The following SLC30A8 variants were observed in gnomAD, a reference collection of about 807,000 sequenced individuals.
SLC30A8 encodes the protein solute carrier family 30 member 8.
In SLC30A8, 27 loss-of-function variants were observed where a neutral mutation model predicts 36.9. That is an observed-to-expected ratio of 0.73 (90% CI 0.54 to 1.01). SLC30A8 has a LOEUF of 1.01. SLC30A8 is among the 50% of genes least tolerant of loss of function. The probability of loss-of-function intolerance (pLI) is 0.00; values close to 1 mark genes in which losing one functional copy is unlikely to be tolerated. For missense variants in SLC30A8, 439 were observed against 452.0 expected (o/e 0.97, Z 0.26); for synonymous variants, 164 against 172.4 (o/e 0.95, Z 0.38).
At chr8:116,985,801 G>A (rs534443050) in intron 1 of SLC30A8, among the ~76,000 whole-genome samples, 20 of 152,174 alleles carry the variant, frequency 1.3e-4, no homozygotes, top group African/African-American at 4.3e-4. Flanking sequence ...CAAGAAATGC[G>A]TTCTGTTTTT....
rs67998633 is a variant in SLC30A8, at chr8:116,979,238, C to CA, written c.-266+28145dup. 9.7e-3 allele frequency among the ~76,000 whole-genome samples: 620 copies of CA among 64,240 alleles called. 38 individuals carry two copies. The highest frequency in any genetic ancestry group is 0.025 in the African/African-American group (434 of 17,126). 42.1% of individuals were successfully genotyped at this position (64,240 alleles called of 152,430 possible). Reference sequence around the variant, plus strand: ...TGGGCAATAGCGTGAGACCCTGTCTCAAAAAAAAAAAAAAAAAAAAAAAAA... The same window carrying CA: ...TGGGCAATAGCGTGAGACCCTGTCTCAAAAAAAAAAAAAAAAAAAAAAAAAA... On this transcript the variant is annotated intron_variant, in intron 1 of 10. Coordinates refer to the SLC30A8 transcript ENST00000427715.
intron 1 of SLC30A8, among the ~76,000 whole-genome samples, chr8:117,021,685 G>A (rs1371449132): frequency 6.6e-6 from 1 of 152,094 alleles, no homozygotes; most frequent in African/African-American, 2.4e-5. Context: ...TTTGCAAAAG[G>A]TCAAGAAAAT....
At chr8:117,115,610 T>C (rs1275169132) in intron 2 of SLC30A8, among the ~76,000 whole-genome samples, 1 of 152,086 alleles carries the variant, frequency 6.6e-6, no homozygotes, top group Non-Finnish European at 1.5e-5. Flanking sequence ...GAAATTCCTT[T>C]TGGGTGAGAA....
chr8:116,987,285 TGTG>T (rs1007343546), intron 1 of SLC30A8, among the ~76,000 whole-genome samples: 1 of 99,086 alleles, frequency 1.0e-5, no homozygotes, highest in Non-Finnish European at 2.0e-5. Flanking sequence ...CGGAGCCTGT[TGTG>T]GGGTGGGGTG....
upstream of SLC30A8, among the ~76,000 whole-genome samples, chr8:117,133,646 C>T (rs1325998771): frequency 6.6e-6 from 1 of 151,904 alleles, no homozygotes; most frequent in Admixed American, 6.6e-5. Flanking sequence ...TTCTATTTCT[C>T]TTGTCTGTGC....
At chr8:117,167,786 G>A (rs931942246) in intron 6 of SLC30A8, among the ~76,000 whole-genome samples, 2 of 152,126 alleles carry the variant, frequency 1.3e-5, no homozygotes, top group South Asian at 2.1e-4. Context: ...GTATATCTGT[G>A]GAATAATTCC....
intron 1 of SLC30A8, among the ~76,000 whole-genome samples, chr8:117,016,970 G>A (rs1012921064): frequency 3.9e-5 from 6 of 152,028 alleles, no homozygotes; most frequent in African/African-American, 7.3e-5. Flanking sequence ...GAAGATCGTC[G>A]AGGTTTAAGG....
At chr8:116,975,326 T>G (rs963957793) in intron 1 of SLC30A8, among the ~76,000 whole-genome samples, 1 of 151,964 alleles carries the variant, frequency 6.6e-6, no homozygotes, top group African/African-American at 2.4e-5. Context: ...AAAAATAAAC[T>G]GTGTTTATTT....
chr8:117,012,296 G>T (rs1816369128), intron 1 of SLC30A8, among the ~76,000 whole-genome samples: 1 of 151,728 alleles, frequency 6.6e-6, no homozygotes, highest in African/African-American at 2.4e-5. Flanking sequence ...AATGTTTTCT[G>T]TCAGTGTTAT....
At chr8:117,110,611 T>C (rs2130878100) in intron 2 of SLC30A8, among the ~76,000 whole-genome samples, 1 of 152,174 alleles carries the variant, frequency 6.6e-6, no homozygotes, top group East Asian at 1.9e-4. Context: ...GGATAAAGTG[T>C]CCTGAGCCCC....
chr8:116,952,111 G>A (rs1814014619), intron 1 of SLC30A8, among the ~76,000 whole-genome samples: 1 of 152,096 alleles, frequency 6.6e-6, no homozygotes, highest in African/African-American at 2.4e-5. Flanking sequence ...GCTCATAGAA[G>A]GTGCTAGAGG....
intron 2 of SLC30A8, among the ~76,000 whole-genome samples, chr8:117,114,136 C>T (rs1194542849): frequency 6.6e-6 from 1 of 152,110 alleles, no homozygotes; most frequent in Non-Finnish European, 1.5e-5. Context: ...TTCAGACACA[C>T]AGCACTTAGA....
At chr8:117,101,882 G>A (rs1586517708) in intron 2 of SLC30A8, among the ~76,000 whole-genome samples, 2 of 152,196 alleles carry the variant, frequency 1.3e-5, no homozygotes, top group South Asian at 2.1e-4. Context: ...GGCCTATTGC[G>A]GGACCTCACC....
intron 4 of SLC30A8, among the ~76,000 whole-genome samples, chr8:117,160,869 G>T (rs1822756385): frequency 6.6e-6 from 1 of 152,138 alleles, no homozygotes; most frequent in Non-Finnish European, 1.5e-5. Context: ...AAATAGAATG[G>T]GATACATGGT....
In SLC30A8 at chr8:117,161,688, G is replaced by A. The variant is rs191184996; in HGVS notation, c.573-50G>A. 133 of 1,541,390 alleles carry A rather than the reference G, an allele frequency of 8.6e-5. No individual in the cohort carries two copies. The African/African-American group carries it at 1.5e-3, about 17-fold the overall frequency. ...CCAGCTTCTCCATTATGCTGCCTAC[G>A]TTTTTAAGACTGACCTCATGTGTGC... On this transcript the variant is annotated intron_variant, in intron 4 of 7. Transcript: ENST00000456015.
chr8:117,018,428 G>A (rs1393943673), intron 1 of SLC30A8, among the ~76,000 whole-genome samples: 1 of 151,888 alleles, frequency 6.6e-6, no homozygotes, highest in Non-Finnish European at 1.5e-5. Flanking sequence ...AATCCATAAT[G>A]TCTTTGATGC....
At chr8:117,058,662 G>A (rs1409539234) in intron 2 of SLC30A8, among the ~76,000 whole-genome samples, 4 of 152,196 alleles carry the variant, frequency 2.6e-5, no homozygotes, top group Non-Finnish European at 5.9e-5. Flanking sequence ...AATCCAGACT[G>A]CCACCCGGTT....
At chr8:117,069,246 A>G (rs967665574) in intron 2 of SLC30A8, among the ~76,000 whole-genome samples, 3 of 152,244 alleles carry the variant, frequency 2.0e-5, no homozygotes, top group African/African-American at 7.2e-5. Context: ...AGGATAAAAA[A>G]GAAAACAAAA....
At chr8:117,166,487 A>C (rs1287747334) in intron 6 of SLC30A8, among the ~76,000 whole-genome samples, 1 of 152,190 alleles carries the variant, frequency 6.6e-6, no homozygotes, top group African/African-American at 2.4e-5. Flanking sequence ...AATCACGTGG[A>C]GGGTTTATTG....
Sources: gnomAD v4.1 joint callset for allele counts (sites outside exome capture counted in the v4.1 genomes callset) on GRCh38, gnomAD v4.1.1 for gene constraint, MANE v1.5 for transcripts, NCBI Gene and HGNC (gene_info 2026-07-23, HGNC 2026-07-21) for gene names.